The following AKAP6 variants were observed in gnomAD, a reference collection of about 807,000 sequenced individuals.
AKAP6 encodes A-kinase anchor protein 6.
In AKAP6, 58 loss-of-function variants were observed where a neutral mutation model predicts 188.5. The ratio of observed to expected loss-of-function variants is 0.31; its 90% confidence interval spans 0.25 to 0.38. The LOEUF (loss-of-function observed/expected upper bound fraction) is 0.38. Among genes scored for constraint, AKAP6 ranks in the 10% least tolerant of loss-of-function variants. The pLI, the probability that AKAP6 is intolerant of heterozygous loss-of-function variation, is 1.00. For synonymous variants in AKAP6, 989 were observed against 998.6 expected (o/e 0.99, Z 0.18); for missense variants, 2,710 against 2,740.0 (o/e 0.99, Z 0.24).
intron 8 of AKAP6, among the ~76,000 whole-genome samples, chr14:32,680,586 G>A (rs1447165686): frequency 2.0e-5 from 3 of 152,066 alleles, no homozygotes; most frequent in Admixed American, 6.6e-5. Context: ...AATTAAGTTG[G>A]TGATACAATT....
chr14:32,512,674 G>T (rs1377176060), intron 2 of AKAP6, among the ~76,000 whole-genome samples: 3 of 152,160 alleles, frequency 2.0e-5, no homozygotes, highest in Non-Finnish European at 4.4e-5. Context: ...CACAGTATTG[G>T]AATTCGATAA....
intron 7 of AKAP6, among the ~76,000 whole-genome samples, chr14:32,642,390 C>T (rs750493351): frequency 1.3e-5 from 2 of 152,166 alleles, no homozygotes; most frequent in East Asian, 1.9e-4. Context: ...TTTTGATCTA[C>T]GTTGGCTGAA....
intron 2 of AKAP6, among the ~76,000 whole-genome samples, chr14:32,462,295 G>T (rs1263724093): frequency 6.6e-6 from 1 of 152,132 alleles, no homozygotes; most frequent in African/African-American, 2.4e-5. Flanking sequence ...TTCCAAGGTT[G>T]TAATGAAGGA....
At chr14:32,716,818 C>A (rs1415049124) in intron 9 of AKAP6, among the ~76,000 whole-genome samples, 1 of 151,618 alleles carries the variant, frequency 6.6e-6, no homozygotes, top group African/African-American at 2.4e-5. Flanking sequence ...AAATAAAAAC[C>A]ATGGGAAATT....
intron 12 of AKAP6, among the ~76,000 whole-genome samples, chr14:32,803,875 C>T (rs553080462): frequency 6.6e-6 from 1 of 152,306 alleles, no homozygotes; most frequent in Admixed American, 6.5e-5. Context: ...ATTATTCTGG[C>T]TCTCAAGGAG....
chr14:32,457,464 T>C (rs1040653274), intron 2 of AKAP6, among the ~76,000 whole-genome samples: 3 of 152,240 alleles, frequency 2.0e-5, no homozygotes, highest in African/African-American at 7.2e-5. Flanking sequence ...ATAACAAATA[T>C]GGTGAGAGTA....
In AKAP6 at chr14:32,822,407, G is replaced by A. The variant is rs1309268307; in HGVS notation, c.4594G>A (p.Ala1532Thr). The A allele has an allele frequency of 1.9e-6, 3 of 1,613,860 alleles. No homozygotes were observed. Among genetic ancestry groups the A allele is most frequent in the Non-Finnish European group, 2.5e-6 (3 of 1,179,930 alleles). ...VPPHERILAS[A>T]SHEMDRISYK... The stretch of plus-strand genomic sequence containing the variant: ...TCCCCATGAAAGGATTTTGGCAAGT[G>A]CATCTCATGAAATGGATCGCATTTC... The change falls in exon 13 of 14, where the codon GCA (alanine) becomes ACA (threonine). Residue 1532 changes from alanine to threonine, a missense_variant. Physicochemically the swap from Ala to Thr is moderately conservative, Grantham distance 58. Coordinates refer to ENST00000280979, the MANE Select transcript of AKAP6 (RefSeq NM_004274.5).
chr14:32,596,699 T>C (rs569863215), intron 5 of AKAP6, among the ~76,000 whole-genome samples: 1 of 152,320 alleles, frequency 6.6e-6, no homozygotes, highest in South Asian at 2.1e-4. Flanking sequence ...CAGGGAGTGC[T>C]ATGGATATTG....
rs546899381 is a variant in AKAP6 at position 32,482,336 on chromosome 14, A to G, written c.324+48519A>G. ...CCCTTTTGTTCAGTTTTGTTTAGCC[A>G]TTCTCTAAATATATTAAGACTAGTC... On this transcript the variant is annotated intron_variant, in intron 2 of 13. Coordinates refer to ENST00000280979, the MANE Select transcript of AKAP6 (RefSeq NM_004274.5). 8.5e-5 allele frequency among the ~76,000 whole-genome samples: 13 copies of G among 152,246 alleles called. No homozygotes were observed. The East Asian group carries it at 1.7e-3, about 20-fold the overall frequency.
chr14:32,365,626 C>T (rs1255041902), intron 1 of AKAP6, among the ~76,000 whole-genome samples: 1 of 152,146 alleles, frequency 6.6e-6, no homozygotes, highest in African/African-American at 2.4e-5. Context: ...CACTCCTGGG[C>T]CACTTGTACC....
chr14:32,410,766 GT>G lies in AKAP6; in HGVS notation c.-34-22688del, dbSNP rs573990068. 6.9e-4 allele frequency among the ~76,000 whole-genome samples: 105 copies of G among 152,066 alleles called. 1 individual carries two copies. Among genetic ancestry groups the G allele is most frequent in the African/African-American group, 1.4e-3 (60 of 41,480 alleles). On this transcript the variant is annotated intron_variant, in intron 1 of 13. Coordinates refer to ENST00000280979, the MANE Select transcript of AKAP6 (RefSeq NM_004274.5). ...GCCCATAGGTAGACCATATTAATAG[GT>G]TTTTTGTTTTTGTTTTTTACTTTTT...
chr14:32,479,528 T>G (rs1323344687), intron 2 of AKAP6, among the ~76,000 whole-genome samples: 1 of 152,192 alleles, frequency 6.6e-6, no homozygotes, highest in Admixed American at 6.6e-5. Context: ...TAGTTTTTTG[T>G]GTGTCATATA....
chr14:32,744,574 C>T (rs1295408863), intron 11 of AKAP6, among the ~76,000 whole-genome samples: 2 of 152,070 alleles, frequency 1.3e-5, no homozygotes, highest in East Asian at 3.9e-4. Flanking sequence ...CCTTGGCCTC[C>T]CCAAAGTACT....
intron 5 of AKAP6, among the ~76,000 whole-genome samples, chr14:32,585,465 G>A (rs906814861): frequency 6.6e-6 from 1 of 150,958 alleles, no homozygotes; most frequent in Non-Finnish European, 1.5e-5. Context: ...GGACTGTGGG[G>A]GAAAATGGTG....
intron 2 of AKAP6, among the ~76,000 whole-genome samples, chr14:32,530,721 G>C (rs1882374357): frequency 6.6e-6 from 1 of 152,108 alleles, no homozygotes; most frequent in Non-Finnish European, 1.5e-5. Flanking sequence ...CCTCATTTCT[G>C]TCTCTAGCTG....
intron 7 of AKAP6, among the ~76,000 whole-genome samples, chr14:32,617,325 C>T (rs575498406): frequency 2.0e-5 from 3 of 152,170 alleles, no homozygotes; most frequent in South Asian, 2.1e-4. Context: ...GGGTTTATCT[C>T]GGTGGTCTGT....
chr14:32,515,000 C>T (rs1182229721), intron 2 of AKAP6, among the ~76,000 whole-genome samples: 2 of 152,082 alleles, frequency 1.3e-5, no homozygotes, highest in African/African-American at 4.8e-5. Flanking sequence ...GGCAGGGTGA[C>T]CTGCAGGAGT....
intron 11 of AKAP6, among the ~76,000 whole-genome samples, chr14:32,762,937 G>A (rs1162334332): frequency 6.6e-6 from 1 of 151,972 alleles, no homozygotes; most frequent in Non-Finnish European, 1.5e-5. Context: ...TTTGTGGACT[G>A]GGTAAACAAA....
At position 32,833,740 on chromosome 14, in the gene AKAP6, AACTC is replaced by A. The variant is rs1348467201; in HGVS notation, c.*3939_*3942del. 1.3e-5 allele frequency: 2 copies of A among 152,196 alleles called. No individual in the cohort carries two copies. The highest frequency in any genetic ancestry group is 1.5e-5 in the Non-Finnish European group (1 of 68,036). 9.4% of individuals were successfully genotyped at this position (152,196 alleles called of 1,614,324 possible). ...GAAATTTTTTAGAATTTTAAAGAAA[AACTC>A]ACTTTTCAAGTGTCATATAATTCTT... is the stretch of plus-strand genomic sequence containing the variant. On this transcript the variant is annotated 3_prime_UTR_variant, in exon 14 of 14. Transcript: ENST00000280979.
Sources: allele counts gnomAD v4.1 joint callset (sites outside exome capture counted in the v4.1 genomes callset), GRCh38; gene constraint gnomAD v4.1.1; transcripts MANE v1.5; gene names NCBI Gene and HGNC (gene_info 2026-07-23, HGNC 2026-07-21).